Variants in NXN observed in about 807,000 individuals in gnomAD.
The protein encoded by NXN is nucleoredoxin 1.
Under a neutral mutation model 48.6 loss-of-function variants are expected in NXN, and 16 were observed. The observed-to-expected ratio is 0.33, with a 90% CI of 0.22 to 0.50. The LOEUF is 0.50. Among genes scored for constraint, NXN ranks in the 20% least tolerant of loss-of-function variants. The probability of loss-of-function intolerance (pLI) is 0.98; values close to 1 mark genes in which losing one functional copy is unlikely to be tolerated. For missense variants in NXN, 492 were observed against 605.5 expected, an observed-to-expected ratio of 0.81 and a Z score of 1.97; for synonymous variants, 281 against 269.6, an observed-to-expected ratio of 1.04 and a Z score of -0.41.
At chr17:931,032 G>A (rs942668486) in intron 1 of NXN, among the ~76,000 whole-genome samples, 1 of 152,132 alleles carries the variant, frequency 6.6e-6, no homozygotes, top group Non-Finnish European at 1.5e-5. Context: ...GCCTCCCAAA[G>A]TGCCGGGATT....
In NXN at chr17:977,062, G is replaced by A. The variant is rs147015057; in HGVS notation, c.360+2257C>T. Among the ~76,000 whole-genome samples the A allele has an allele frequency of 4.7e-3, 716 of 152,216 alleles. 7 individuals carry two copies. Among genetic ancestry groups the A allele is most frequent in the African/African-American group, 0.016 (678 of 41,530 alleles). On this transcript the variant is annotated intron_variant, in intron 1 of 7. Coordinates refer to ENST00000336868, the MANE Select transcript of NXN (RefSeq NM_022463.5). ...ATAACAGGCATGAGCCACCGCACCC[G>A]GCAATAATTCCTTTTAAAATCAGCA... is the stretch of plus-strand genomic sequence containing the variant.
chr17:894,044 ATCTC>A (rs1200862746), intron 1 of NXN, among the ~76,000 whole-genome samples: 13 of 97,216 alleles, frequency 1.3e-4, no homozygotes, highest in African/African-American at 5.1e-4. Flanking sequence ...CAGAGGAAGC[ATCTC>A]AACTCCCTGG....
chr17:823,760 C>G lies in NXN; in HGVS notation c.484G>C (p.Glu162Gln). 6.2e-7 allele frequency: 1 copy of G among 1,614,100 alleles called. No homozygotes were observed. The highest frequency in any genetic ancestry group is 8.5e-7 in the Non-Finnish European group (1 of 1,180,000). The change falls in exon 3 of 8, where the codon GAG becomes CAG. Residue 162 changes from glutamate to glutamine, a missense_variant. Transcript: ENST00000336868. ...AAGGGTTTCGGTCCCCAGGGGAACT[C>G]CAGACCTGAAACAGAAAACAGATGG... ...LVIRDDPEGL[E>Q]FPWGPKPFRE...
rs980374892 is a variant in NXN, at chr17:821,511, A to G, written c.713+846T>C. Among the ~76,000 whole-genome samples the G allele has an allele frequency of 3.8e-5, 3 of 78,658 alleles. 1 individual carries two copies. The highest frequency in any genetic ancestry group is 7.1e-5 in the Non-Finnish European group (3 of 42,112). 51.6% of individuals were successfully genotyped at this position (78,658 alleles called of 152,430 possible). A position where few individuals can be genotyped will look rare whatever the true frequency, so the allele number is the denominator to read the frequency against. On this transcript the variant is annotated intron_variant, in intron 4 of 7. Transcript: ENST00000336868. ...GGTGGCTCATGCCTGTAATCCCAGC[A>G]TTTTGGGAGGCCAAGGCAGGAGGAT...
chr17:934,823 G>A (rs980156855), intron 1 of NXN, among the ~76,000 whole-genome samples: 4 of 151,928 alleles, frequency 2.6e-5, no homozygotes, highest in South Asian at 4.1e-4. Context: ...GCAGTGAGCC[G>A]AGATCGTGCT....
At chr17:843,981 A>T (rs2067830103) in intron 1 of NXN, among the ~76,000 whole-genome samples, 1 of 152,264 alleles carries the variant, frequency 6.6e-6, no homozygotes, top group African/African-American at 2.4e-5. Context: ...GAAAACGGTC[A>T]TTCCCTGTCG....
chr17:943,702 A>G (rs1045058609), intron 1 of NXN, among the ~76,000 whole-genome samples: 6 of 144,746 alleles, frequency 4.1e-5, no homozygotes, highest in Admixed American at 4.1e-4. Context: ...CACGCCTGTA[A>G]TCCCAGCTAC....
intron 1 of NXN, chr17:896,979 G>A (rs1306679399): frequency 8.5e-7 from 1 of 1,175,980 alleles, no homozygotes; most frequent in South Asian, 1.6e-5. Context: ...GCCTCTCCTA[G>A]GAAAGTCCCC....
chr17:804,635 T>C (rs1182225739), intron 6 of NXN, among the ~76,000 whole-genome samples: 1 of 151,290 alleles, frequency 6.6e-6, no homozygotes, highest in Admixed American at 6.6e-5. Flanking sequence ...GACGGGGAGG[T>C]GCAAGCGAGG....
At chr17:951,587 A>T (rs1324788917) in intron 1 of NXN, among the ~76,000 whole-genome samples, 1 of 148,408 alleles carries the variant, frequency 6.7e-6, no homozygotes, top group Non-Finnish European at 1.5e-5. Context: ...TGGGGGCGGG[A>T]GGGTCTGTCA....
At chr17:822,269 G>C (rs779840376) in intron 4 of NXN, 88 bp downstream of exon 4, 29 of 928,190 alleles carry the variant, frequency 3.1e-5, no homozygotes, top group Non-Finnish European at 4.8e-5. Context: ...ACAAGAGCAA[G>C]ACTCTGTCTC....
At chr17:893,792 CT>C (rs1238762627) in intron 1 of NXN, among the ~76,000 whole-genome samples, 12 of 20,718 alleles carry the variant, frequency 5.8e-4, no homozygotes, top group Non-Finnish European at 9.9e-4. Flanking sequence ...AGCATCTCAA[CT>C]CCCTGGAAGC....
In NXN at chr17:864,035, G is replaced by A. The variant is rs1345495939; in HGVS notation, c.361-37957C>T. On this transcript the variant is annotated intron_variant, in intron 1 of 7. Transcript: ENST00000336868. ...GTTACCGTTGCTGGGTTCCGGTGAA[G>A]GGACACGTCTGCCATTGCTCGGTTC... The A allele has an allele frequency of 3.3e-6, 5 of 1,516,778 alleles. No individual in the cohort carries two copies. The South Asian group carries it at 4.9e-5, about 15-fold the overall frequency. 94.0% of individuals were successfully genotyped at this position (1,516,778 alleles called of 1,614,324 possible). A position where few individuals can be genotyped will look rare whatever the true frequency, so the allele number is the denominator to read the frequency against.
intron 1 of NXN, among the ~76,000 whole-genome samples, chr17:885,047 C>A (rs775145377): frequency 6.6e-6 from 1 of 152,114 alleles, no homozygotes; most frequent in Non-Finnish European, 1.5e-5. Context: ...TAAGACCAAG[C>A]GGAGCTGAGT....
At chr17:899,964 A>G (rs570723525) in intron 1 of NXN, among the ~76,000 whole-genome samples, 1 of 152,292 alleles carries the variant, frequency 6.6e-6, no homozygotes, top group East Asian at 1.9e-4. Flanking sequence ...TATAGAGTTT[A>G]ACACTAAAAC....
In NXN at chr17:970,854, C is replaced by T. The variant is rs551699721; in HGVS notation, c.360+8465G>A. Reference sequence around the variant, plus strand: ...TAGTTGCTGGAAGACGTAATATGTACGCATTTTGAGTTCTTTGGAAGAAAG... The same window carrying T: ...TAGTTGCTGGAAGACGTAATATGTATGCATTTTGAGTTCTTTGGAAGAAAG... On this transcript the variant is annotated intron_variant, in intron 1 of 7. Coordinates refer to ENST00000336868, the MANE Select transcript of NXN (RefSeq NM_022463.5). Among the ~76,000 whole-genome samples, 7 of 151,942 alleles carry T rather than the reference C, an allele frequency of 4.6e-5. No individual in the cohort carries two copies. The South Asian group carries it at 8.3e-4, about 18-fold the overall frequency.
chr17:891,547 A>G (rs2068416671), intron 1 of NXN, among the ~76,000 whole-genome samples: 3 of 152,256 alleles, frequency 2.0e-5, no homozygotes, highest in African/African-American at 4.8e-5. Context: ...AGACTAGGAC[A>G]ACTGTCTTCC....
chr17:931,977 C>CA (rs1410135851), intron 1 of NXN, among the ~76,000 whole-genome samples: 1 of 152,008 alleles, frequency 6.6e-6, no homozygotes, highest in Non-Finnish European at 1.5e-5. Flanking sequence ...AACCCCATCT[C>CA]TACTAAGAAT....
chr17:926,534 G>GTTTT (rs60470915), intron 1 of NXN, among the ~76,000 whole-genome samples: 1 of 141,510 alleles, frequency 7.1e-6, no homozygotes. Flanking sequence ...CATGTTTTTT[G>GTTTT]TTTTTTTTTT....
Sources: gnomAD v4.1 joint callset for allele counts (sites outside exome capture counted in the v4.1 genomes callset) on GRCh38, gnomAD v4.1.1 for gene constraint, MANE v1.5 for transcripts, NCBI Gene and HGNC (gene_info 2026-07-23, HGNC 2026-07-21) for gene names.